Variants in ARHGEF26 observed in about 807,000 individuals in gnomAD.
The protein encoded by ARHGEF26 is Rho guanine nucleotide exchange factor (GEF) 26.
Under a neutral mutation model 89.4 loss-of-function variants are expected in ARHGEF26, and 59 were observed. The observed-to-expected ratio is 0.66, with a 90% CI of 0.54 to 0.82. ARHGEF26 has a LOEUF of 0.82. ARHGEF26 is among the 40% of genes least tolerant of loss of function. The probability of loss-of-function intolerance (pLI) is 0.00; values close to 1 mark genes in which losing one functional copy is unlikely to be tolerated. For synonymous variants in ARHGEF26, 500 were observed against 428.4 expected (o/e 1.17, Z -2.06); for missense variants, 1,234 against 1,085.6 (o/e 1.14, Z -1.92).
intron 6 of ARHGEF26, among the ~76,000 whole-genome samples, chr3:154,184,909 C>T (rs1243776778): frequency 6.6e-6 from 1 of 152,180 alleles, no homozygotes; most frequent in African/African-American, 2.4e-5. Flanking sequence ...TTTCTGTGCC[C>T]TTGTTCCTCC....
At chr3:154,208,059 C>T (rs1249101575) in intron 9 of ARHGEF26, among the ~76,000 whole-genome samples, 1 of 151,998 alleles carries the variant, frequency 6.6e-6, no homozygotes, top group Non-Finnish European at 1.5e-5. Context: ...TACATGGACA[C>T]AAGGGGGAAA....
In ARHGEF26 at chr3:154,137,691, T is replaced by G. The variant is rs139902804; in HGVS notation, c.1269+7972T>G. On this transcript the variant is annotated intron_variant, in intron 4 of 14. Transcript: ENST00000465093. ...TTCATGTAGAGAATAATTCAGACAT[T>G]TTGGACCAGGTACAGTGGGTCCTGC... Among the ~76,000 whole-genome samples, 4 of 152,056 alleles carry G rather than the reference T, an allele frequency of 2.6e-5. No individual in the cohort carries two copies. The East Asian group carries it at 7.7e-4, about 29-fold the overall frequency.
At chr3:154,126,441 T>C (rs1718336038) in intron 3 of ARHGEF26, among the ~76,000 whole-genome samples, 1 of 152,172 alleles carries the variant, frequency 6.6e-6, no homozygotes, top group African/African-American at 2.4e-5. Context: ...ATCCGGTCTT[T>C]CACCAGTCTG....
chr3:154,149,595 G>A (rs752518119), intron 5 of ARHGEF26, 150 bp downstream of exon 5: 1 of 648,974 alleles, frequency 1.5e-6, no homozygotes, highest in Non-Finnish European at 2.4e-6. Flanking sequence ...TCATTTTAAT[G>A]TAAAGCTACG....
chr3:154,255,458 G>A lies in ARHGEF26; in HGVS notation c.2601G>A (p.Leu867=). 1 of 1,613,316 alleles carries A rather than the reference G, an allele frequency of 6.2e-7. No individual in the cohort carries two copies. Among genetic ancestry groups the A allele is most frequent in the Non-Finnish European group, 8.5e-7 (1 of 1,179,522 alleles). The change falls in exon 15 of 15, where the codon CTG becomes CTA. Residue 867 remains leucine (L), a synonymous_variant. Transcript: ENST00000465093. ...NVERMGRLLG[L]ETNV ...AGAGAATGGGACGCTTGCTAGGACT[G>A]GAGACCAACGTGTAGTCTCTCAGAT... is the stretch of plus-strand genomic sequence containing the variant.
chr3:154,251,471 A>G (rs1718141525), intron 12 of ARHGEF26, among the ~76,000 whole-genome samples: 1 of 152,198 alleles, frequency 6.6e-6, no homozygotes, highest in Non-Finnish European at 1.5e-5. Flanking sequence ...TAGCAGACAT[A>G]TACTGAGCCC....
chr3:154,124,372 C>CTTTTTTTTTTTTTTTTTTCTTT, intron 2 of ARHGEF26, 38 bp from the exon 3 acceptor site: 3 of 1,007,768 alleles, frequency 3.0e-6, no homozygotes, highest in South Asian at 1.9e-5. Flanking sequence ...TTTGCTTTTC[C>CTTTTTTTTTTTTTTTTTTCTTT]TTTTTTTTTT....
At chr3:154,201,583 A>G (rs1315473175) in intron 9 of ARHGEF26, among the ~76,000 whole-genome samples, 3 of 152,062 alleles carry the variant, frequency 2.0e-5, no homozygotes, top group African/African-American at 7.2e-5. Context: ...CGCCACACTG[A>G]CTTCCACAAT....
intron 6 of ARHGEF26, among the ~76,000 whole-genome samples, chr3:154,168,908 TAGATC>T (rs5853684): frequency 0.51 from 77,277 of 151,110 alleles, 19,925 homozygotes; most frequent in Non-Finnish European, 0.54. Flanking sequence ...TTTGTCCACT[TAGATC>T]AGAACTAGGT....
chr3:154,181,554 G>A (rs1713185148), intron 6 of ARHGEF26, among the ~76,000 whole-genome samples: 1 of 152,114 alleles, frequency 6.6e-6, no homozygotes, highest in Non-Finnish European at 1.5e-5. Flanking sequence ...TTTTTTCTGT[G>A]TTTCCAGAGC....
At chr3:154,154,485 A>G (rs766153823) in intron 6 of ARHGEF26, among the ~76,000 whole-genome samples, 45 of 152,086 alleles carry the variant, frequency 3.0e-4, no homozygotes, top group Non-Finnish European at 5.3e-4. Context: ...GTACTTTTTT[A>G]TGTATCAATT....
chr3:154,203,164 A>G (rs1316298188), intron 9 of ARHGEF26, among the ~76,000 whole-genome samples: 1 of 152,128 alleles, frequency 6.6e-6, no homozygotes, highest in Admixed American at 6.6e-5. Context: ...TTATTTAGAG[A>G]TACGTCCCAT....
intron 6 of ARHGEF26, among the ~76,000 whole-genome samples, chr3:154,178,077 G>A (rs1258366425): frequency 2.0e-5 from 3 of 151,974 alleles, no homozygotes; most frequent in Admixed American, 6.6e-5. Context: ...GGTGGTGGGC[G>A]CCTGTAATCC....
In ARHGEF26 at chr3:154,183,977, C is replaced by CT. The variant is rs548153454; in HGVS notation, c.1488-3695dup. On this transcript the variant is annotated intron_variant, in intron 6 of 14. Transcript: ENST00000465093. ...GTTTCTTCTTTTTTCAATTTTCTTTCTTTTTTTTTTTTTGAGACGGAGTCT... is the reference window on the plus strand; with the variant it reads ...GTTTCTTCTTTTTTCAATTTTCTTTCTTTTTTTTTTTTTTGAGACGGAGTCT... 3.5e-3 allele frequency among the ~76,000 whole-genome samples: 487 copies of CT among 140,300 alleles called. 6 individuals are homozygous for CT. The highest frequency in any genetic ancestry group is 0.012 in the Middle Eastern group (3 of 258). The allele number at this position is 140,300 out of a possible 152,430, so 92.0% of individuals were successfully genotyped here.
rs531598236 is a variant in ARHGEF26 at position 154,238,142 on chromosome 3, T to C, written c.2091-2228T>C. Among the ~76,000 whole-genome samples the C allele has an allele frequency of 2.6e-5, 4 of 152,326 alleles. No homozygotes were observed. The South Asian group carries it at 8.3e-4, about 32-fold the overall frequency. On this transcript the variant is annotated intron_variant, in intron 11 of 14. Transcript: ENST00000465093. Reference sequence around the variant, plus strand: ...TTGACTGCTTTGTTTCTAGTAAACATAGTCTTTTAAAAAATGACCGTATTT... The same window carrying C: ...TTGACTGCTTTGTTTCTAGTAAACACAGTCTTTTAAAAAATGACCGTATTT...
intron 6 of ARHGEF26, among the ~76,000 whole-genome samples, chr3:154,182,813 T>G (rs1481022677): frequency 2.0e-5 from 3 of 152,144 alleles, no homozygotes; most frequent in Non-Finnish European, 4.4e-5. Flanking sequence ...TTGCCTTGGT[T>G]TTCTTATCTA....
intron 4 of ARHGEF26, among the ~76,000 whole-genome samples, chr3:154,138,076 T>C (rs1719127280): frequency 6.6e-6 from 1 of 151,714 alleles, no homozygotes; most frequent in African/African-American, 2.4e-5. Flanking sequence ...TATAAGTCAT[T>C]TCATATCTAC....
chr3:154,129,629 T>C lies in ARHGEF26; in HGVS notation c.1179T>C (p.Asp393=). The C allele has an allele frequency of 6.2e-7, 1 of 1,611,804 alleles. No homozygotes were observed. Among genetic ancestry groups the C allele is most frequent in the South Asian group, 1.1e-5 (1 of 90,390 alleles). ...AAAAGGCCCTTGACATTGATTCTGA[T>C]GAAGAGTCAGAGCCCAAAGAACAGA... The part of the protein sequence containing the change: ...YKEKALDIDS[D]EESEPKEQKS... Residue 393 remains aspartate (D), a synonymous_variant, in exon 4 of 15, where the codon GAT becomes GAC. Coordinates refer to ENST00000465093, the MANE Select transcript of ARHGEF26 (RefSeq NM_015595.4).
chr3:154,196,563 T>A (rs1280613121), intron 9 of ARHGEF26, among the ~76,000 whole-genome samples: 1 of 152,198 alleles, frequency 6.6e-6, no homozygotes, highest in African/African-American at 2.4e-5. Flanking sequence ...ATCATGGGTT[T>A]TATTAGTTGT....
Sources: allele counts gnomAD v4.1 joint callset (sites outside exome capture counted in the v4.1 genomes callset), GRCh38; gene constraint gnomAD v4.1.1; transcripts MANE v1.5; gene names NCBI Gene and HGNC (gene_info 2026-07-23, HGNC 2026-07-21).